Variants in NRG1 observed in about 807,000 individuals in gnomAD.
NRG1 encodes the protein neuregulin 1, also known as pro-neuregulin-1, membrane-bound isoform.
In NRG1, 18 loss-of-function variants were observed where a neutral mutation model predicts 63.8. The observed-to-expected ratio is 0.28, with a 90% confidence interval of 0.19 to 0.42. NRG1 has a LOEUF of 0.42. Ranked by LOEUF, NRG1 falls within the 10% of genes least tolerant of loss-of-function variation. The probability of loss-of-function intolerance (pLI) is 1.00; values close to 1 mark genes in which losing one functional copy is unlikely to be tolerated. For missense variants in NRG1, 762 were observed against 814.7 expected (o/e 0.94, Z 0.79); for synonymous variants, 302 against 301.3 (o/e 1.00, Z -0.02).
chr8:31,843,349 G>C (rs1243688281), intron 1 of NRG1, among the ~76,000 whole-genome samples: 1 of 152,168 alleles, frequency 6.6e-6, no homozygotes, highest in African/African-American at 2.4e-5. Flanking sequence ...TTCTCTTCCA[G>C]ATGTGCACAG....
chr8:32,086,769 T>A (rs187667580), intron 1 of NRG1, among the ~76,000 whole-genome samples: 1 of 152,164 alleles, frequency 6.6e-6, no homozygotes, highest in Non-Finnish European at 1.5e-5. Flanking sequence ...TTTCACTTAG[T>A]CAAACTAACT....
At chr8:31,914,805 G>A (rs189502493) in intron 1 of NRG1, among the ~76,000 whole-genome samples, 126 of 151,928 alleles carry the variant, frequency 8.3e-4, no homozygotes, top group African/African-American at 2.9e-3. Flanking sequence ...GTGTCTCAGA[G>A]CTTTATTTTT....
chr8:32,341,661 C>T (rs1371200212), intron 1 of NRG1, among the ~76,000 whole-genome samples: 1 of 152,130 alleles, frequency 6.6e-6, no homozygotes, highest in African/African-American at 2.4e-5. Flanking sequence ...GTTTGTTTTC[C>T]GTGTCCGTTC....
chr8:31,795,010 C>T (rs1283733250), intron 1 of NRG1, among the ~76,000 whole-genome samples: 1 of 152,094 alleles, frequency 6.6e-6, no homozygotes, highest in African/African-American at 2.4e-5. Context: ...ACCATGTTGG[C>T]CAGGCTGGTC....
At chr8:31,972,282 C>T (rs2129629140) in intron 1 of NRG1, among the ~76,000 whole-genome samples, 1 of 152,214 alleles carries the variant, frequency 6.6e-6, no homozygotes, top group South Asian at 2.1e-4. Context: ...GGTTCATGGT[C>T]TTACTCGAAT....
intron 1 of NRG1, among the ~76,000 whole-genome samples, chr8:32,193,036 T>C (rs537027772): frequency 6.6e-6 from 1 of 152,296 alleles, no homozygotes; most frequent in Non-Finnish European, 1.5e-5. Context: ...GCCTGGTGCA[T>C]ATATAAATGA....
intron 5 of NRG1, among the ~76,000 whole-genome samples, chr8:32,711,758 C>T (rs78312009): frequency 1.7e-3 from 257 of 152,256 alleles, no homozygotes; most frequent in African/African-American, 5.1e-3. Context: ...ATAAGCAGAA[C>T]ATGATAAATA....
intron 1 of NRG1, among the ~76,000 whole-genome samples, chr8:32,176,073 C>T (rs920808619): frequency 3.3e-5 from 5 of 151,976 alleles, no homozygotes; most frequent in South Asian, 4.1e-4. Flanking sequence ...TGCTACCTGA[C>T]TTCAAACTAC....
At chr8:31,956,996 C>T (rs896280705) in intron 1 of NRG1, among the ~76,000 whole-genome samples, 34 of 151,840 alleles carry the variant, frequency 2.2e-4, no homozygotes, top group African/African-American at 7.7e-4. Context: ...TTATTTCTAC[C>T]AGGGTGAAAT....
intron 2 of NRG1, among the ~76,000 whole-genome samples, chr8:32,604,257 T>C (rs1213178457): frequency 1.3e-5 from 2 of 152,040 alleles, no homozygotes; most frequent in African/African-American, 2.4e-5. Context: ...GAAGAAAAAA[T>C]GACACAGACA....
chr8:32,065,504 T>A (rs1824626852), intron 1 of NRG1, among the ~76,000 whole-genome samples: 2 of 152,302 alleles, frequency 1.3e-5, no homozygotes, highest in East Asian at 1.9e-4. Context: ...GTTTCCAGCT[T>A]CATCCATATC....
intron 1 of NRG1, among the ~76,000 whole-genome samples, chr8:32,195,885 T>A (rs975170164): frequency 6.6e-6 from 1 of 152,170 alleles, no homozygotes. Context: ...GGAAGTGGGT[T>A]ACAGGATCCT....
At chr8:32,007,070 T>A (rs1412917276) in intron 1 of NRG1, among the ~76,000 whole-genome samples, 1 of 152,084 alleles carries the variant, frequency 6.6e-6, no homozygotes, top group African/African-American at 2.4e-5. Flanking sequence ...GACATTCCTC[T>A]TGTTTTGATT....
rs78420543 is a variant in NRG1 at position 32,119,374 on chromosome 8, A to T, written c.38-476454A>T. Among the ~76,000 whole-genome samples, 377 of 152,208 alleles carry T rather than the reference A, an allele frequency of 2.5e-3. 2 individuals carry two copies. Among genetic ancestry groups the T allele is most frequent in the African/African-American group, 8.7e-3 (360 of 41,550 alleles). ...ATTCCATAGCCTGGGTTCTTAGCTG[A>T]TACACACAGTTGCAATGCCTTTCCA... On this transcript the variant is annotated intron_variant, in intron 1 of 10. Coordinates refer to the NRG1 transcript ENST00000519301.
chr8:32,734,032 A>G (rs1824389858), intron 6 of NRG1, among the ~76,000 whole-genome samples: 2 of 152,342 alleles, frequency 1.3e-5, no homozygotes, highest in Middle Eastern at 3.4e-3. Flanking sequence ...AAGGTCAGGC[A>G]GAGGACTTTG....
In NRG1 at chr8:32,237,297, A is replaced by G. The variant is rs554436814; in HGVS notation, c.38-358531A>G. 5.1e-4 allele frequency among the ~76,000 whole-genome samples: 78 copies of G among 152,294 alleles called. 1 individual carries two copies. The highest frequency in any genetic ancestry group is 3.1e-3 in the Admixed American group (47 of 15,292). ...TGTTTCCTGCTAGATATATTTCGTG[A>G]AAGACTTCATTATGTCCACTTTCTT... On this transcript the variant is annotated intron_variant, in intron 1 of 10. Transcript: ENST00000519301.
At chr8:31,783,358 A>G (rs1819873297) in intron 1 of NRG1, among the ~76,000 whole-genome samples, 1 of 152,200 alleles carries the variant, frequency 6.6e-6, no homozygotes, top group Non-Finnish European at 1.5e-5. Context: ...TTTTAAAGTT[A>G]ACATTTGCTG....
At chr8:31,764,076 G>A (rs1367973596) in intron 1 of NRG1, among the ~76,000 whole-genome samples, 1 of 151,566 alleles carries the variant, frequency 6.6e-6, no homozygotes, top group Non-Finnish European at 1.5e-5. Flanking sequence ...GAGATAGGAT[G>A]AATAAAGAAT....
intron 1 of NRG1, among the ~76,000 whole-genome samples, chr8:32,189,654 A>T (rs1563889406): frequency 6.6e-6 from 1 of 152,166 alleles, no homozygotes. Flanking sequence ...CAAAGATACT[A>T]AATTTGATTT....
Sources: allele counts gnomAD v4.1 joint callset (sites outside exome capture counted in the v4.1 genomes callset), GRCh38; gene constraint gnomAD v4.1.1; transcripts MANE v1.5; gene names NCBI Gene and HGNC (gene_info 2026-07-23, HGNC 2026-07-21).